Variants in CHST11 observed in about 807,000 individuals in gnomAD.
CHST11 encodes the protein C4S-1.
Under a neutral mutation model 30.4 loss-of-function variants are expected in CHST11, and 9 were observed. That is an observed-to-expected ratio of 0.30 (90% confidence interval 0.18 to 0.52). The LOEUF (loss-of-function observed/expected upper bound fraction) is 0.52. Ranked by LOEUF, CHST11 falls within the 20% of genes least tolerant of loss-of-function variation. The pLI is 0.97. For missense variants in CHST11, 348 were observed against 460.6 expected (o/e 0.76, Z 2.24); for synonymous variants, 152 against 187.8 (o/e 0.81, Z 1.56).
chr12:104,616,371 C>T (rs1369396763), intron 2 of CHST11, among the ~76,000 whole-genome samples: 1 of 152,116 alleles, frequency 6.6e-6, no homozygotes, highest in Non-Finnish European at 1.5e-5. Context: ...TTTTCCTACT[C>T]AAAGACAGAT....
chr12:104,537,963 C>G (rs1435184569), intron 1 of CHST11, among the ~76,000 whole-genome samples: 1 of 152,118 alleles, frequency 6.6e-6, no homozygotes, highest in Non-Finnish European at 1.5e-5. Context: ...CCCACAGTGC[C>G]GGGATTCCAG....
At chr12:104,463,969 C>T (rs867688646) in intron 1 of CHST11, among the ~76,000 whole-genome samples, 9 of 151,772 alleles carry the variant, frequency 5.9e-5, no homozygotes, top group African/African-American at 2.2e-4. Flanking sequence ...GGGAGGGAAG[C>T]GCTGCAGAAG....
intron 1 of CHST11, among the ~76,000 whole-genome samples, chr12:104,521,974 T>C (rs2038077704): frequency 6.6e-6 from 1 of 152,100 alleles, no homozygotes; most frequent in Non-Finnish European, 1.5e-5. Flanking sequence ...TCAGACAGGA[T>C]CTTATCACCC....
intron 1 of CHST11, among the ~76,000 whole-genome samples, chr12:104,505,123 C>A (rs986034072): frequency 3.9e-5 from 6 of 152,114 alleles, no homozygotes; most frequent in African/African-American, 1.4e-4. Flanking sequence ...GCCCACAAAC[C>A]CCAGATTTAT....
chr12:104,569,972 C>T (rs897588481), intron 1 of CHST11, among the ~76,000 whole-genome samples: 1 of 152,192 alleles, frequency 6.6e-6, no homozygotes, highest in Admixed American at 6.5e-5. Context: ...CCTCCACGGT[C>T]TGCAACATTT....
At chr12:104,523,021 G>A (rs1221250908) in intron 1 of CHST11, among the ~76,000 whole-genome samples, 4 of 152,158 alleles carry the variant, frequency 2.6e-5, no homozygotes, top group Admixed American at 1.3e-4. Flanking sequence ...AAAAATAATC[G>A]TCTAATAAGA....
intron 2 of CHST11, among the ~76,000 whole-genome samples, chr12:104,678,354 G>C (rs1022557964): frequency 5.3e-5 from 8 of 152,232 alleles, no homozygotes; most frequent in Admixed American, 5.2e-4. Flanking sequence ...TAGGGGAACA[G>C]GGACATTGGC....
intron 1 of CHST11, among the ~76,000 whole-genome samples, chr12:104,580,447 G>A (rs2038731877): frequency 6.6e-6 from 1 of 152,242 alleles, no homozygotes; most frequent in Admixed American, 6.5e-5. Flanking sequence ...ATTTATTTCA[G>A]TGGAGCTTTA....
At chr12:104,459,208 CTTGCATT>C (rs2037384759) in intron 1 of CHST11, among the ~76,000 whole-genome samples, 1 of 152,240 alleles carries the variant, frequency 6.6e-6, no homozygotes, top group Admixed American at 6.5e-5. Context: ...ATGGACCTGG[CTTGCATT>C]CCGGCAGGCA....
intron 1 of CHST11, among the ~76,000 whole-genome samples, chr12:104,540,820 C>T (rs192467005): frequency 9.1e-4 from 138 of 152,298 alleles, no homozygotes; most frequent in Middle Eastern, 3.4e-3. Flanking sequence ...TGCCCTAAAA[C>T]AGCTCATGTT....
At chr12:104,627,127 G>C (rs2039223244) in intron 2 of CHST11, among the ~76,000 whole-genome samples, 1 of 151,970 alleles carries the variant, frequency 6.6e-6, no homozygotes, top group Admixed American at 6.6e-5. Flanking sequence ...CTTTCACTTT[G>C]TAATATGCAT....
intron 2 of CHST11, among the ~76,000 whole-genome samples, chr12:104,743,766 A>AC (rs2040367151): frequency 6.6e-6 from 1 of 151,612 alleles, no homozygotes; most frequent in African/African-American, 2.4e-5. Flanking sequence ...CCCTCCTCCC[A>AC]CCTTCCACCC....
rs2039743647 is a variant in CHST11 at position 104,676,401 on chromosome 12, T to A, written c.204+74410T>A. On this transcript the variant is annotated intron_variant, in intron 2 of 2. Coordinates refer to ENST00000303694, the MANE Select transcript of CHST11 (RefSeq NM_018413.6). This position sits in a 1 kb window ranked among gnomAD's most constrained non-coding sequence, Gnocchi z 4.4. ...AACTCTGCTTCCATTGTCACATCTTTTCTGACTCCGAGTCACTGCCTCCTT... is the reference window on the plus strand; with the variant it reads ...AACTCTGCTTCCATTGTCACATCTTATCTGACTCCGAGTCACTGCCTCCTT... Among the ~76,000 whole-genome samples the A allele has an allele frequency of 6.6e-6, 1 of 152,192 alleles. No individual in the cohort carries two copies. The highest frequency in any genetic ancestry group is 1.5e-5 in the Non-Finnish European group (1 of 68,032).
chr12:104,499,383 G>A (rs1004744222), intron 1 of CHST11, among the ~76,000 whole-genome samples: 1 of 140,736 alleles, frequency 7.1e-6, no homozygotes, highest in Non-Finnish European at 1.5e-5. Flanking sequence ...TCATGGAGTG[G>A]AAAGGGATGA....
chr12:104,573,543 A>G (rs971987006), intron 1 of CHST11, among the ~76,000 whole-genome samples: 1 of 152,254 alleles, frequency 6.6e-6, no homozygotes, highest in African/African-American at 2.4e-5. Flanking sequence ...CAGAGCCCTC[A>G]GAAATAATGC....
chr12:104,716,895 T>G (rs933258596), intron 2 of CHST11, among the ~76,000 whole-genome samples: 5 of 152,232 alleles, frequency 3.3e-5, no homozygotes, highest in African/African-American at 1.2e-4. Context: ...AGAAATCTGA[T>G]GTGGATCTCA....
chr12:104,636,505 A>G (rs1317429251), intron 2 of CHST11, among the ~76,000 whole-genome samples: 4 of 152,286 alleles, frequency 2.6e-5, no homozygotes, highest in East Asian at 1.9e-4. Flanking sequence ...GTCTTTCTCT[A>G]TGGCACCTTT....
At chr12:104,711,676 G>A (rs1351812801) in intron 2 of CHST11, among the ~76,000 whole-genome samples, 1 of 151,986 alleles carries the variant, frequency 6.6e-6, no homozygotes, top group African/African-American at 2.4e-5. Flanking sequence ...TGAAGTAGAG[G>A]TGACAGCCAG....
intron 1 of CHST11, among the ~76,000 whole-genome samples, chr12:104,598,511 G>T (rs1285139851): frequency 6.6e-6 from 1 of 152,158 alleles, no homozygotes; most frequent in Non-Finnish European, 1.5e-5. Flanking sequence ...CTTCCCCATG[G>T]TGGGGAAGTC....
Sources: gnomAD v4.1 joint callset for allele counts (sites outside exome capture counted in the v4.1 genomes callset) on GRCh38, gnomAD v4.1.1 for gene constraint, Gnocchi (gnomAD v3.1) non-coding constraint, MANE v1.5 for transcripts, NCBI Gene and HGNC (gene_info 2026-07-23, HGNC 2026-07-21) for gene names.